GALR1: variants seen among roughly 807,000 people sequenced by gnomAD.
GALR1 encodes galanin receptor type 1.
A neutral mutation model predicts 17.9 loss-of-function variants in GALR1; 11 were observed. The ratio of observed to expected loss-of-function variants is 0.62; its 90% CI spans 0.39 to 1.02. GALR1 has a LOEUF of 1.02. Ranked by LOEUF, GALR1 falls within the 50% of genes least tolerant of loss-of-function variation. The pLI, the probability that GALR1 is intolerant of heterozygous loss-of-function variation, is 0.01. For synonymous variants in GALR1, 206 were observed against 205.7 expected (o/e 1.00, Z -0.01); for missense variants, 441 against 456.9 (o/e 0.97, Z 0.32).
intron 2 of GALR1, among the ~76,000 whole-genome samples, chr18:77,259,450 A>ATGGTGGTGATGGTGGTGATGG (rs1912770182): frequency 1.9e-5 from 2 of 102,714 alleles, no homozygotes; most frequent in Non-Finnish European, 4.5e-5. Flanking sequence ...GATGGTGATC[A>ATGGTGGTGATGGTGGTGATGG]TGGTGGTGAT....
rs571113201 is a variant in GALR1, at chr18:77,274,632, G to T, written c.*5730G>T. 9 of 152,270 alleles carry T rather than the reference G, an allele frequency of 5.9e-5. No homozygotes were observed. The highest frequency in any genetic ancestry group is 2.2e-4 in the African/African-American group (9 of 41,542). 9.4% of individuals were successfully genotyped at this position (152,270 alleles called of 1,614,324 possible). On this transcript the variant is annotated 3_prime_UTR_variant, in exon 3 of 3. Coordinates refer to ENST00000299727, the MANE Select transcript of GALR1 (RefSeq NM_001480.4). ...ACCTCTGGGGACCGTTGACTATGCT[G>T]GGAGGGTGCAGAAATGAAGCTGATG...
Position 77,260,470 on chromosome 18 carries a change from C to T in GALR1, c.732+4247C>T, listed in dbSNP as rs79419231. ...CGGATCCCATTATGAGGGCTCCCCC[C>T]ACCTCATGACCTAATTACCATCCAA... On this transcript the variant is annotated intron_variant, in intron 2 of 2. Transcript: ENST00000299727. Among the ~76,000 whole-genome samples, 550 of 152,276 alleles carry T rather than the reference C, an allele frequency of 3.6e-3. 2 individuals are homozygous for T. The highest frequency in any genetic ancestry group is 0.013 in the African/African-American group (526 of 41,544).
In GALR1 at chr18:77,250,159, A is replaced by AG. The variant is rs1912360314; in HGVS notation, c.-389dup. On this transcript the variant is annotated 5_prime_UTR_variant, in exon 1 of 3. The change abolishes the stop of an existing upstream ORF in the 5' untranslated region. Transcript: ENST00000299727. ...GGGAGCCAGGGAAAACCGCCGGCGA[A>AG]GATCTGGAGCGGTAAGGCGGAGAGA... 6.6e-6 allele frequency among the ~76,000 whole-genome samples: 1 copy of AG among 152,178 alleles called. No individual in the cohort carries two copies. The highest frequency in any genetic ancestry group is 1.5e-5 in the Non-Finnish European group (1 of 68,018).
intron 1 of GALR1, among the ~76,000 whole-genome samples, chr18:77,254,285 T>C (rs1316696059): frequency 6.6e-6 from 1 of 152,192 alleles, no homozygotes; most frequent in East Asian, 1.9e-4. Context: ...TTCAGTGGGG[T>C]GCATCATAAT....
chr18:77,267,540 C>T (rs988505095), intron 2 of GALR1, among the ~76,000 whole-genome samples: 4 of 152,194 alleles, frequency 2.6e-5, no homozygotes, highest in African/African-American at 7.2e-5. Context: ...TTGTGACCAT[C>T]GCGGCACTAG....
At chr18:77,266,074 A>G (rs1011624825) in intron 2 of GALR1, among the ~76,000 whole-genome samples, 4 of 152,166 alleles carry the variant, frequency 2.6e-5, no homozygotes, top group African/African-American at 4.8e-5. Context: ...TTGCATGATC[A>G]GGTTGCAAAT....
chr18:77,265,227 C>CA (rs1444131956), intron 2 of GALR1, among the ~76,000 whole-genome samples: 2 of 152,226 alleles, frequency 1.3e-5, no homozygotes, highest in South Asian at 2.1e-4. Context: ...AGAAATTAGC[C>CA]AAAACAAAGA....
intron 2 of GALR1, among the ~76,000 whole-genome samples, chr18:77,259,691 A>G: frequency 1.1e-5 from 1 of 87,426 alleles, no homozygotes; most frequent in African/African-American, 4.1e-5. Flanking sequence ...GATGGTGGCA[A>G]TTGTGGTGAT....
chr18:77,256,147 G>T lies in GALR1; in HGVS notation c.667-11G>T. The T allele has an allele frequency of 6.4e-7, 1 of 1,559,870 alleles. No individual in the cohort carries two copies. The highest frequency in any genetic ancestry group is 8.8e-7 in the Non-Finnish European group (1 of 1,131,342). ...TGAGGCGAACTGATTTCAATAGTCT[G>T]TGTCTTTCAGGTCCTTAATCACTTG... is the stretch of plus-strand genomic sequence containing the variant. On this transcript the variant is annotated splice_polypyrimidine_tract_variant and intron_variant, in intron 1 of 2. Transcript: ENST00000299727.
rs951476412 is a variant in GALR1 at position 77,275,167 on chromosome 18, G to A, written c.*6265G>A. 2.6e-5 allele frequency: 4 copies of A among 152,398 alleles called. No individual in the cohort carries two copies. Among genetic ancestry groups the A allele is most frequent in the Non-Finnish European group, 4.4e-5 (3 of 68,084 alleles). 9.4% of individuals were successfully genotyped at this position (152,398 alleles called of 1,614,324 possible). On this transcript the variant is annotated 3_prime_UTR_variant, in exon 3 of 3. Coordinates refer to ENST00000299727, the MANE Select transcript of GALR1 (RefSeq NM_001480.4). ...CCTTGCATGGGGTTCTGGACCCAGC[G>A]GGGGCCACATCTCTGAGAATTCGTT...
intron 2 of GALR1, among the ~76,000 whole-genome samples, chr18:77,263,816 G>T (rs1373947608): frequency 2.6e-5 from 4 of 152,066 alleles, no homozygotes; most frequent in Non-Finnish European, 5.9e-5. Flanking sequence ...TATTGCAGTG[G>T]GACTCCAGTT....
Position 77,277,142 on chromosome 18 carries a change from T to C in GALR1, c.*8240T>C, listed in dbSNP as rs1408569478. ...GAGATAAATAAACTTTCCCTGTACT[T>C]AAAGTTTTTAAATTAAGTATCTTCT... On this transcript the variant is annotated 3_prime_UTR_variant, in exon 3 of 3. Coordinates refer to ENST00000299727, the MANE Select transcript of GALR1 (RefSeq NM_001480.4). 6.6e-6 allele frequency: 1 copy of C among 152,220 alleles called. No homozygotes were observed. Among genetic ancestry groups the C allele is most frequent in the Admixed American group, 6.5e-5 (1 of 15,284 alleles). 9.4% of individuals were successfully genotyped at this position (152,220 alleles called of 1,614,324 possible). A position where few individuals can be genotyped will look rare whatever the true frequency, so the allele number is the denominator to read the frequency against.
chr18:77,263,642 C>A (rs1912880510), intron 2 of GALR1, among the ~76,000 whole-genome samples: 1 of 152,200 alleles, frequency 6.6e-6, no homozygotes, highest in Non-Finnish European at 1.5e-5. Context: ...TGGCCTTGAT[C>A]TGAGATCTAG....
rs757290716 is a variant in GALR1 at position 77,268,936 on chromosome 18, A to G, written c.*34A>G. 2.3e-5 allele frequency: 34 copies of G among 1,489,008 alleles called. No individual in the cohort carries two copies. Among genetic ancestry groups the G allele is most frequent in the Middle Eastern group, 1.7e-4 (1 of 5,794 alleles). The allele number at this position is 1,489,008 out of a possible 1,614,324, so 92.2% of individuals were successfully genotyped here. ...AGAGTATCCTTATGGTTGAGTTTCCATATAAGTGGACCAGACACAGAAACA... is the reference window on the plus strand; with the variant it reads ...AGAGTATCCTTATGGTTGAGTTTCCGTATAAGTGGACCAGACACAGAAACA... On this transcript the variant is annotated 3_prime_UTR_variant, in exon 3 of 3. Transcript: ENST00000299727.
chr18:77,269,249 A>T lies in GALR1; in HGVS notation c.*347A>T. The T allele has an allele frequency of 5.8e-6, 1 of 173,044 alleles. No individual in the cohort carries two copies. Among genetic ancestry groups the T allele is most frequent in the Non-Finnish European group, 1.2e-5 (1 of 82,802 alleles). The allele number at this position is 173,044 out of a possible 1,614,324, so 10.7% of individuals were successfully genotyped here. A position where few individuals can be genotyped will look rare whatever the true frequency, so the allele number is the denominator to read the frequency against. ...AACTGGCCCATCAATATGGTCAGGA[A>T]TATTTGCAGTCTACATTTTAAAGCC... On this transcript the variant is annotated 3_prime_UTR_variant, in exon 3 of 3. Coordinates refer to ENST00000299727, the MANE Select transcript of GALR1 (RefSeq NM_001480.4).
Position 77,277,326 on chromosome 18 carries a change from G to T in GALR1, c.*8424G>T, listed in dbSNP as rs954754690. 1.3e-5 allele frequency: 2 copies of T among 152,132 alleles called. No homozygotes were observed. The highest frequency in any genetic ancestry group is 4.8e-5 in the African/African-American group (2 of 41,424). The allele number at this position is 152,132 out of a possible 1,614,324, so 9.4% of individuals were successfully genotyped here. On this transcript the variant is annotated 3_prime_UTR_variant, in exon 3 of 3. Transcript: ENST00000299727. ...CAAGGACCAGCAGGTGGAGATAATT[G>T]AATTATGGGGCCGGTTTCTCTCATA...
chr18:77,256,252 T>C (rs573037734), intron 2 of GALR1, 29 bp downstream of exon 2: 3 of 1,251,238 alleles, frequency 2.4e-6, no homozygotes, highest in Non-Finnish European at 3.5e-6. Flanking sequence ...TATATATATG[T>C]TACTTTTCAG....
In GALR1 at chr18:77,274,456, A is replaced by G. The variant is rs1599368092; in HGVS notation, c.*5554A>G. On this transcript the variant is annotated 3_prime_UTR_variant, in exon 3 of 3. Transcript: ENST00000299727. ...GTGTCGTTCCCCTAGGACTTCTGCAATGGGATACCAAAGATGACGTGTAAG... is the reference window on the plus strand; with the variant it reads ...GTGTCGTTCCCCTAGGACTTCTGCAGTGGGATACCAAAGATGACGTGTAAG... 6.6e-6 allele frequency: 1 copy of G among 152,258 alleles called. No homozygotes were observed. Among genetic ancestry groups the G allele is most frequent in the Non-Finnish European group, 1.5e-5 (1 of 68,102 alleles). 9.4% of individuals were successfully genotyped at this position (152,258 alleles called of 1,614,324 possible). A position where few individuals can be genotyped will look rare whatever the true frequency, so the allele number is the denominator to read the frequency against.
chr18:77,252,854 ACACCAC>A (rs1217118933), intron 1 of GALR1, among the ~76,000 whole-genome samples: 1,238 of 52,516 alleles, frequency 0.024, 77 homozygotes, highest in African/African-American at 0.072. Context: ...CTGTCTCAAA[ACACCAC>A]CACCACCACC....
Sources: gnomAD v4.1 joint callset for allele counts (sites outside exome capture counted in the v4.1 genomes callset) on GRCh38, gnomAD v4.1.1 for gene constraint, MANE v1.5 for transcripts, NCBI Gene and HGNC (gene_info 2026-07-23, HGNC 2026-07-21) for gene names.